Variants in ADAM10 observed in about 807,000 individuals in gnomAD.
ADAM10 encodes ADAM metallopeptidase domain 10.
A neutral mutation model predicts 90.1 loss-of-function variants in ADAM10; 17 were observed. That is an observed-to-expected ratio of 0.19 (90% confidence interval 0.13 to 0.28). ADAM10 has a LOEUF of 0.28. Among genes scored for constraint, ADAM10 ranks in the 10% least tolerant of loss-of-function variants. ADAM10 has a pLI of 1.00. For missense variants in ADAM10, 610 were observed against 914.3 expected (o/e 0.67, Z 4.29); for synonymous variants, 310 against 298.6 (o/e 1.04, Z -0.40).
chr15:58,715,258 C>A (rs1359229743), intron 2 of ADAM10, among the ~76,000 whole-genome samples: 7 of 151,858 alleles, frequency 4.6e-5, no homozygotes, highest in Admixed American at 4.6e-4. Context: ...CCCGTCTCTA[C>A]TAAAAATACA....
intron 5 of ADAM10, among the ~76,000 whole-genome samples, chr15:58,646,884 T>G (rs1176827328): frequency 1.3e-5 from 2 of 152,176 alleles, no homozygotes; most frequent in African/African-American, 4.8e-5. Flanking sequence ...GACCCTACAT[T>G]AGCCAACTCT....
chr15:58,686,652 T>A, intron 2 of ADAM10: 1 of 747,428 alleles, frequency 1.3e-6, no homozygotes. Flanking sequence ...AGGAATGCCT[T>A]CAAGCACAAA....
In ADAM10 at chr15:58,593,471, CTGGGATTACAGG is replaced by C. The variant is rs1667229983; in HGVS notation, c.*4064_*4075del. On this transcript the variant is annotated 3_prime_UTR_variant, in exon 16 of 16. Transcript: ENST00000260408. ...CCACCCGCCTTGGCCTCCCAAAGTG[CTGGGATTACAGG>C]TGTGAGCCACCGCACCCAGCCCTGC... 1 of 152,564 alleles carries C rather than the reference CTGGGATTACAGG, an allele frequency of 6.6e-6. No individual in the cohort carries two copies. The highest frequency in any genetic ancestry group is 2.4e-5 in the African/African-American group (1 of 41,430). The allele number at this position is 152,564 out of a possible 1,614,324, so 9.5% of individuals were successfully genotyped here. A position where few individuals can be genotyped will look rare whatever the true frequency, so the allele number is the denominator to read the frequency against.
chr15:58,622,616 GTAT>G (rs1450367808), intron 10 of ADAM10, among the ~76,000 whole-genome samples: 11 of 152,214 alleles, frequency 7.2e-5, no homozygotes, highest in Admixed American at 5.2e-4. Flanking sequence ...GAACAAACAT[GTAT>G]TATTTATATC....
chr15:58,747,109 A>C (rs1425870912), intron 1 of ADAM10, among the ~76,000 whole-genome samples: 1 of 152,238 alleles, frequency 6.6e-6, no homozygotes, highest in Non-Finnish European at 1.5e-5. Context: ...TATGGAATTT[A>C]CTGCTACAGC....
chr15:58,648,624 A>G (rs1258531259), intron 5 of ADAM10, among the ~76,000 whole-genome samples: 1 of 152,180 alleles, frequency 6.6e-6, no homozygotes, highest in Non-Finnish European at 1.5e-5. Context: ...CAAGTTTATT[A>G]TATCAAGTAG....
At chr15:58,701,390 C>T (rs1157935335) in intron 2 of ADAM10, among the ~76,000 whole-genome samples, 1 of 152,066 alleles carries the variant, frequency 6.6e-6, no homozygotes, top group Non-Finnish European at 1.5e-5. Flanking sequence ...AAAAACAATG[C>T]TCAACATTAC....
intron 4 of ADAM10, among the ~76,000 whole-genome samples, chr15:58,675,354 A>T (rs566163934): frequency 6.6e-6 from 1 of 152,324 alleles, no homozygotes; most frequent in Non-Finnish European, 1.5e-5. Context: ...AGTATAGAAT[A>T]AAAAAATTAC....
intron 5 of ADAM10, among the ~76,000 whole-genome samples, chr15:58,656,275 T>A (rs1896827143): frequency 6.6e-6 from 1 of 152,218 alleles, no homozygotes. Context: ...TTAGCTACTC[T>A]ATGTCTTTTG....
At chr15:58,685,556 A>ATATATATATATATG in intron 2 of ADAM10, among the ~76,000 whole-genome samples, 1 of 45,192 alleles carries the variant, frequency 2.2e-5, no homozygotes, top group African/African-American at 2.7e-4. Context: ...ATATATATAT[A>ATATATATATATATG]TATATATATA....
intron 2 of ADAM10, among the ~76,000 whole-genome samples, chr15:58,714,636 T>C (rs1469332981): frequency 6.6e-6 from 1 of 152,162 alleles, no homozygotes; most frequent in Non-Finnish European, 1.5e-5. Flanking sequence ...CAAGTAACTC[T>C]AACTCAAAGT....
intron 1 of ADAM10, among the ~76,000 whole-genome samples, chr15:58,718,641 G>T (rs1898742392): frequency 6.6e-6 from 1 of 152,168 alleles, no homozygotes; most frequent in African/African-American, 2.4e-5. Context: ...TACCTGGTAA[G>T]AAAAGGCACT....
intron 14 of ADAM10, among the ~76,000 whole-genome samples, chr15:58,604,199 TA>T (rs1217945249): frequency 6.6e-6 from 1 of 151,970 alleles, no homozygotes; most frequent in Non-Finnish European, 1.5e-5. Context: ...CCATCTGTGC[TA>T]AAATACAAAA....
chr15:58,636,454 T>A (rs1332928684), intron 8 of ADAM10, among the ~76,000 whole-genome samples: 1 of 152,220 alleles, frequency 6.6e-6, no homozygotes, highest in African/African-American at 2.4e-5. Context: ...AGGTATCATA[T>A]ATACCCACAG....
At chr15:58,745,901 C>A (rs1296883194) in intron 1 of ADAM10, among the ~76,000 whole-genome samples, 4 of 152,124 alleles carry the variant, frequency 2.6e-5, no homozygotes, top group African/African-American at 9.7e-5. Context: ...CAAGTCTTCC[C>A]CGAAAATCCA....
In ADAM10 at chr15:58,619,058, G is replaced by GTTTACTT. The variant is rs201878141; in HGVS notation, c.1511+2412_1511+2413insAAGTAAA. Among the ~76,000 whole-genome samples the GTTTACTT allele has an allele frequency of 4.7e-3, 720 of 152,250 alleles. 7 individuals are homozygous for GTTTACTT. Among genetic ancestry groups the GTTTACTT allele is most frequent in the African/African-American group, 0.016 (680 of 41,546 alleles). On this transcript the variant is annotated intron_variant, in intron 11 of 15. Transcript: ENST00000260408. ...AGGGATACCTACAGCCCCGTTTACT[G>GTTTACTT]TATCACTATGCACAATAGCCAAGAT...
intron 11 of ADAM10, among the ~76,000 whole-genome samples, chr15:58,615,544 C>T (rs1895583904): frequency 6.6e-6 from 1 of 152,150 alleles, no homozygotes; most frequent in South Asian, 2.1e-4. Context: ...CTCGGCCTCC[C>T]AAACACATGA....
rs1022293607 is a variant in ADAM10, at chr15:58,708,224, G to A, written c.206+9353C>T. 2.6e-5 allele frequency among the ~76,000 whole-genome samples: 4 copies of A among 152,160 alleles called. No individual in the cohort carries two copies. The South Asian group carries it at 8.3e-4, about 32-fold the overall frequency. On this transcript the variant is annotated intron_variant, in intron 2 of 15. Coordinates refer to ENST00000260408, the MANE Select transcript of ADAM10 (RefSeq NM_001110.4). ...TACTAATTTAACAAACTGATGAAGTGGACTTGACCAAGAGCACACAAAATC... is the reference window on the plus strand; with the variant it reads ...TACTAATTTAACAAACTGATGAAGTAGACTTGACCAAGAGCACACAAAATC...
chr15:58,680,484 T>C (rs1897404026), intron 3 of ADAM10, among the ~76,000 whole-genome samples: 1 of 152,194 alleles, frequency 6.6e-6, no homozygotes, highest in Non-Finnish European at 1.5e-5. Context: ...AACAAAAGTA[T>C]ACCAACAGTA....
Sources: allele counts gnomAD v4.1 joint callset (sites outside exome capture counted in the v4.1 genomes callset), GRCh38; gene constraint gnomAD v4.1.1; transcripts MANE v1.5; gene names NCBI Gene and HGNC (gene_info 2026-07-23, HGNC 2026-07-21).